Variants in LONRF1 observed in about 807,000 individuals in gnomAD.
LONRF1 encodes LON peptidase N-terminal domain and RING finger protein 1.
Under a neutral mutation model 85.8 loss-of-function variants are expected in LONRF1, and 37 were observed. That is an observed-to-expected ratio of 0.43 (90% CI 0.33 to 0.57). The LOEUF (loss-of-function observed/expected upper bound fraction) is 0.57, where lower values mean the gene tolerates loss of function less well. LONRF1 is among the 20% of genes least tolerant of loss of function. The pLI, the probability that LONRF1 is intolerant of heterozygous loss-of-function variation, is 0.04. For missense variants in LONRF1, 1,036 were observed against 978.0 expected (o/e 1.06, Z -0.79); for synonymous variants, 517 against 390.1 (o/e 1.33, Z -3.83).
At chr8:12,732,923 C>G (rs561774744) in intron 7 of LONRF1, among the ~76,000 whole-genome samples, 8 of 152,308 alleles carry the variant, frequency 5.3e-5, no homozygotes, top group African/African-American at 1.9e-4. Context: ...CTTGAATCTG[C>G]AGTCAGTAAA....
chr8:12,736,853 C>T, intron 5 of LONRF1, 47 bp downstream of exon 5: 1 of 1,576,280 alleles, frequency 6.3e-7, no homozygotes, highest in Non-Finnish European at 8.6e-7. Context: ...AAAGACTATT[C>T]TGACTAAATA....
rs762281637 is a variant in LONRF1 at position 12,735,444 on chromosome 8, C to T, written c.1452-44G>A. Reference sequence around the variant, plus strand: ...CATGTTAGTTTTCACATTAAACTATCCACTGAAAAGCTTGTACTACTTTAG... The same window carrying T: ...CATGTTAGTTTTCACATTAAACTATTCACTGAAAAGCTTGTACTACTTTAG... On this transcript the variant is annotated intron_variant, in intron 6 of 11. Transcript: ENST00000398246. The T allele has an allele frequency of 9.4e-6, 12 of 1,276,080 alleles. No homozygotes were observed. In the East Asian group the frequency reaches 2.9e-4, roughly 31 times the overall value. 79.0% of individuals were successfully genotyped at this position (1,276,080 alleles called of 1,614,324 possible).
At chr8:12,743,060 T>G in intron 2 of LONRF1, 104 bp downstream of exon 2, 1 of 745,624 alleles carries the variant, frequency 1.3e-6, no homozygotes, top group East Asian at 2.6e-5. Context: ...ATATTTTATT[T>G]GGAGTCAACC....
chr8:12,745,667 C>G (rs1799123808), intron 1 of LONRF1, among the ~76,000 whole-genome samples: 1 of 152,172 alleles, frequency 6.6e-6, no homozygotes, highest in East Asian at 1.9e-4. Flanking sequence ...CTGCAGGTAT[C>G]TGTATTGCCC....
chr8:12,738,625 ATAAC>A (rs1305117039), intron 3 of LONRF1: 1 of 152,288 alleles, frequency 6.6e-6, no homozygotes, highest in Non-Finnish European at 1.5e-5. Context: ...TTCTCACTGA[ATAAC>A]TAACCTGTGT....
chr8:12,742,776 G>T (rs925532875), intron 2 of LONRF1, among the ~76,000 whole-genome samples: 1 of 151,984 alleles, frequency 6.6e-6, no homozygotes, highest in Non-Finnish European at 1.5e-5. Flanking sequence ...TGACACCAAG[G>T]CTGGAATGCA....
At chr8:12,751,598 C>G (rs1226951091) in intron 1 of LONRF1, among the ~76,000 whole-genome samples, 1 of 151,452 alleles carries the variant, frequency 6.6e-6, no homozygotes, top group Non-Finnish European at 1.5e-5. Context: ...AGCCACCATG[C>G]CTGGTCAAGC....
chr8:12,751,241 T>A (rs181377049), intron 1 of LONRF1, among the ~76,000 whole-genome samples: 1 of 150,632 alleles, frequency 6.6e-6, no homozygotes, highest in Admixed American at 6.7e-5. Flanking sequence ...ATGATATTAA[T>A]ATAAATAATG....
intron 6 of LONRF1, 81 bp from the exon 7 acceptor site, chr8:12,735,481 T>C: frequency 2.3e-6 from 2 of 868,868 alleles, no homozygotes; most frequent in Non-Finnish European, 3.7e-6. Context: ...ACCATAACAC[T>C]AATCTCTATT....
intron 1 of LONRF1, among the ~76,000 whole-genome samples, chr8:12,745,295 G>A (rs1432265027): frequency 6.0e-5 from 8 of 132,854 alleles, no homozygotes; most frequent in African/African-American, 2.0e-4. Flanking sequence ...AATGTTAACC[G>A]ATTATTTTGA....
intron 1 of LONRF1, among the ~76,000 whole-genome samples, chr8:12,745,246 T>C (rs1214136791): frequency 1.3e-5 from 2 of 150,670 alleles, no homozygotes; most frequent in Admixed American, 1.3e-4. Context: ...TTTAAAACTC[T>C]TTGTTCCCTA....
At chr8:12,735,569 A>C in intron 6 of LONRF1, 169 bp from the exon 7 acceptor site, 1 of 564,910 alleles carries the variant, frequency 1.8e-6, no homozygotes, top group Non-Finnish European at 3.2e-6. Flanking sequence ...ACCCTCCAGA[A>C]TGTTTTAAAA....
At chr8:12,735,456 T>C (rs1355592146) in intron 6 of LONRF1, 56 bp from the exon 7 acceptor site, 7 of 1,093,800 alleles carry the variant, frequency 6.4e-6, no homozygotes, top group Middle Eastern at 2.0e-4. Context: ...ACTGAAAAGC[T>C]TGTACTACTT....
chr8:12,731,920 C>T, intron 7 of LONRF1, 63 bp from the exon 8 acceptor site: 1 of 1,454,218 alleles, frequency 6.9e-7, no homozygotes. Context: ...ACAGGCAACA[C>T]AGTTAACTGA....
intron 11 of LONRF1, among the ~76,000 whole-genome samples, chr8:12,724,213 C>T (rs959777977): frequency 2.6e-5 from 4 of 152,040 alleles, no homozygotes; most frequent in Admixed American, 2.0e-4. Context: ...TAGAGTTGGC[C>T]GATGAAAGGC....
At chr8:12,738,434 A>G (rs1412496250) in intron 3 of LONRF1, among the ~76,000 whole-genome samples, 2 of 152,228 alleles carry the variant, frequency 1.3e-5, no homozygotes, top group African/African-American at 4.8e-5. Context: ...GACTATAAAA[A>G]GATCTTAAAA....
intron 1 of LONRF1, 42 bp downstream of exon 1, chr8:12,754,658 G>A: frequency 7.7e-7 from 1 of 1,297,204 alleles, no homozygotes; most frequent in Non-Finnish European, 9.7e-7. Flanking sequence ...GGGGCCAGGA[G>A]GGTGCGGTCG....
intron 10 of LONRF1, among the ~76,000 whole-genome samples, chr8:12,728,359 C>G (rs1230120152): frequency 1.3e-5 from 2 of 152,180 alleles, no homozygotes; most frequent in African/African-American, 4.8e-5. Flanking sequence ...ATGTCTGCCC[C>G]AGGGTCTTCA....
chr8:12,735,124 C>G (rs1798669273), intron 7 of LONRF1, among the ~76,000 whole-genome samples, 162 bp downstream of exon 7: 1 of 152,112 alleles, frequency 6.6e-6, no homozygotes, highest in Non-Finnish European at 1.5e-5. Context: ...CCTCACTTTT[C>G]TCCAACATTA....
Sources: allele counts gnomAD v4.1 joint callset (sites outside exome capture counted in the v4.1 genomes callset), GRCh38; gene constraint gnomAD v4.1.1; transcripts MANE v1.5; gene names NCBI Gene and HGNC (gene_info 2026-07-23, HGNC 2026-07-21).